RAB27B: variants seen among roughly 807,000 people sequenced by gnomAD.
RAB27B encodes ras-related protein Rab-27B.
RAB27B carries 15 observed loss-of-function variants against 24.6 expected under a neutral mutation model. The ratio of observed to expected loss-of-function variants is 0.61; its 90% CI spans 0.41 to 0.94. The LOEUF is 0.94. Ranked by LOEUF, RAB27B falls within the 40% of genes least tolerant of loss-of-function variation. RAB27B has a pLI of 0.00. For missense variants in RAB27B, 261 were observed against 266.8 expected, an observed-to-expected ratio of 0.98 and a Z score of 0.15; for synonymous variants, 105 against 92.5, an observed-to-expected ratio of 1.14 and a Z score of -0.78.
intron 1 of RAB27B, among the ~76,000 whole-genome samples, chr18:54,829,821 C>T (rs1234222204): frequency 6.6e-6 from 1 of 152,240 alleles, no homozygotes. Flanking sequence ...TGCCATTGCC[C>T]CTCAAATAGT....
At chr18:54,750,392 A>C (rs1410501161) in intron 2 of RAB27B, among the ~76,000 whole-genome samples, 1 of 152,204 alleles carries the variant, frequency 6.6e-6, no homozygotes, top group East Asian at 1.9e-4. Context: ...ATTGCACTGA[A>C]CAACTGTATA....
chr18:54,818,992 T>C (rs1264133633), intron 2 of RAB27B, among the ~76,000 whole-genome samples: 2 of 151,724 alleles, frequency 1.3e-5, no homozygotes, highest in Non-Finnish European at 2.9e-5. Flanking sequence ...TTCCAGCCAC[T>C]CAACCTTCAG....
At chr18:54,728,392 A>G (rs1909610411) in intron 2 of RAB27B, among the ~76,000 whole-genome samples, 1 of 152,176 alleles carries the variant, frequency 6.6e-6, no homozygotes, top group Non-Finnish European at 1.5e-5. Context: ...TAGAAAGACA[A>G]TCTCAGACCC....
At chr18:54,781,462 A>G (rs1485370715) in intron 2 of RAB27B, among the ~76,000 whole-genome samples, 1 of 152,078 alleles carries the variant, frequency 6.6e-6, no homozygotes, top group African/African-American at 2.4e-5. Flanking sequence ...GCCTAACACT[A>G]TAAATCCTTT....
At chr18:54,729,385 T>C (rs1336616388) in intron 2 of RAB27B, among the ~76,000 whole-genome samples, 2 of 152,136 alleles carry the variant, frequency 1.3e-5, no homozygotes, top group Non-Finnish European at 2.9e-5. Flanking sequence ...AGGAAGATAC[T>C]AAGCACACTT....
chr18:54,855,362 G>A (rs1288935410), intron 1 of RAB27B, among the ~76,000 whole-genome samples: 1 of 152,122 alleles, frequency 6.6e-6, no homozygotes, highest in Non-Finnish European at 1.5e-5. Flanking sequence ...AAGGGTCCAT[G>A]GCATGAGGGT....
chr18:54,878,607 G>T (rs1912799048), intron 2 of RAB27B, among the ~76,000 whole-genome samples: 1 of 152,088 alleles, frequency 6.6e-6, no homozygotes, highest in African/African-American at 2.4e-5. Flanking sequence ...ACCCATTCAG[G>T]GTTTTCCTGC....
chr18:54,739,548 C>A lies in RAB27B; in HGVS notation c.-20+21407C>A, dbSNP rs568182259. On this transcript the variant is annotated intron_variant, in intron 2 of 4. Coordinates refer to the RAB27B transcript ENST00000586570. ...CCTTAAATTCTTTCTTTCTTTTTTT[C>A]TTTCTTTTTTTTTTTTGCTGCTATG... 8.5e-5 allele frequency among the ~76,000 whole-genome samples: 12 copies of A among 140,638 alleles called. No homozygotes were observed. The East Asian group carries it at 2.5e-3, about 29-fold the overall frequency. 92.3% of individuals were successfully genotyped at this position (140,638 alleles called of 152,430 possible). A position where few individuals can be genotyped will look rare whatever the true frequency, so the allele number is the denominator to read the frequency against.
chr18:54,765,031 A>T (rs1457723350), intron 2 of RAB27B, among the ~76,000 whole-genome samples: 1 of 152,140 alleles, frequency 6.6e-6, no homozygotes, highest in Non-Finnish European at 1.5e-5. Context: ...TTCCCGTTTC[A>T]TGCCCAGGCA....
intron 2 of RAB27B, among the ~76,000 whole-genome samples, chr18:54,772,503 A>G (rs769292860): frequency 3.9e-5 from 6 of 152,214 alleles, no homozygotes; most frequent in Non-Finnish European, 8.8e-5. Flanking sequence ...CTACGATTCC[A>G]CACAGCAATT....
chr18:54,819,694 A>C (rs1910240093), intron 2 of RAB27B, among the ~76,000 whole-genome samples: 4 of 152,074 alleles, frequency 2.6e-5, no homozygotes, highest in Admixed American at 2.6e-4. Flanking sequence ...ATATGTATAC[A>C]TGTGCCATGT....
chr18:54,794,536 T>C (rs1264602411), intron 2 of RAB27B, among the ~76,000 whole-genome samples: 1 of 152,246 alleles, frequency 6.6e-6, no homozygotes, highest in Non-Finnish European at 1.5e-5. Context: ...TGATTCTCTG[T>C]CTGAGGATAT....
In RAB27B at chr18:54,817,049, G is replaced by A. The variant is rs187167416; in HGVS notation, c.-19-60518G>A. On this transcript the variant is annotated intron_variant, in intron 2 of 4. Transcript: ENST00000586570. ...ATTTTCACAAATCTTTATTTCTAAC[G>A]TTTTACATCTCAATTTTTTAAAAAA... is the stretch of plus-strand genomic sequence containing the variant. 1.3e-3 allele frequency among the ~76,000 whole-genome samples: 200 copies of A among 151,860 alleles called. 5 individuals are homozygous for A. The South Asian group carries it at 0.035, about 27-fold the overall frequency.
At chr18:54,836,141 T>G (rs1057146050) in intron 1 of RAB27B, among the ~76,000 whole-genome samples, 22 of 151,948 alleles carry the variant, frequency 1.4e-4, no homozygotes, top group African/African-American at 5.3e-4. Flanking sequence ...TTGCTGGGCA[T>G]CTGTTTCCTG....
At chr18:54,829,612 A>G (rs1458694038) in intron 1 of RAB27B, among the ~76,000 whole-genome samples, 1 of 152,218 alleles carries the variant, frequency 6.6e-6, no homozygotes, top group Non-Finnish European at 1.5e-5. Flanking sequence ...AAATGTCTAC[A>G]GTTCTCAATA....
chr18:54,880,381 G>C (rs925739378), intron 3 of RAB27B: 3 of 152,134 alleles, frequency 2.0e-5, no homozygotes, highest in African/African-American at 4.8e-5. Context: ...TTCAATATTA[G>C]ATTAAATTAA....
intron 2 of RAB27B, among the ~76,000 whole-genome samples, chr18:54,804,789 G>GAGTTT: frequency 6.6e-6 from 1 of 151,934 alleles, no homozygotes; most frequent in South Asian, 2.1e-4. Flanking sequence ...AGGTATATGA[G>GAGTTT]AGTTTCTTTC....
intron 2 of RAB27B, among the ~76,000 whole-genome samples, chr18:54,757,749 C>A (rs1240525483): frequency 1.3e-5 from 2 of 151,892 alleles, no homozygotes; most frequent in Admixed American, 1.3e-4. Context: ...TAGTACAGGA[C>A]AATAATAGGT....
At chr18:54,757,306 T>C (rs11872885) in intron 2 of RAB27B, among the ~76,000 whole-genome samples, 8,430 of 152,274 alleles carry the variant, frequency 0.055, 290 homozygotes, top group South Asian at 0.085. Flanking sequence ...AGATAAAATT[T>C]GAGCTCTTGA....
Sources: gnomAD v4.1 joint callset for allele counts (sites outside exome capture counted in the v4.1 genomes callset) on GRCh38, gnomAD v4.1.1 for gene constraint, MANE v1.5 for transcripts, NCBI Gene and HGNC (gene_info 2026-07-23, HGNC 2026-07-21) for gene names.